The following SLC35F5 variants were observed in gnomAD, a reference collection of about 807,000 sequenced individuals.
The protein encoded by SLC35F5 is solute carrier family 35 member F5.
Under a neutral mutation model 68.6 loss-of-function variants are expected in SLC35F5, and 54 were observed. That is an observed-to-expected ratio of 0.79 (90% CI 0.63 to 0.99). The LOEUF is 0.99. Ranked by LOEUF, SLC35F5 falls within the 50% of genes least tolerant of loss-of-function variation. SLC35F5 has a pLI of 0.00. For synonymous variants in SLC35F5, 211 were observed against 205.2 expected (o/e 1.03, Z -0.24); for missense variants, 567 against 626.9 (o/e 0.90, Z 1.02).
chr2:113,735,816 T>A lies in SLC35F5; in HGVS notation c.793A>T (p.Thr265Ser). 1 of 1,609,102 alleles carries A rather than the reference T, an allele frequency of 6.2e-7. No homozygotes were observed. The highest frequency in any genetic ancestry group is 8.5e-7 in the Non-Finnish European group (1 of 1,178,256). ...NLSYQEALSDTQVAIVNILSS... is the reference protein window; with the variant it reads ...NLSYQEALSDSQVAIVNILSS... ...AAAATATTAACTATAGCAACTTGTG[T>A]GTCTGAAAGTGCTTCTTGATATGAC... The change falls in exon 8 of 16, where the codon ACA (threonine) becomes TCA (serine). Residue 265 changes from threonine (T) to serine (S), a missense_variant. Thr to Ser is a moderately conservative substitution (Grantham distance 58). Transcript: ENST00000245680.
rs1311564689 is a variant in SLC35F5, at chr2:113,718,922, AAAGAAAAAGAAAGG to A, written c.1496+218_1496+231del. On this transcript the variant is annotated intron_variant, in intron 14 of 15. Coordinates refer to ENST00000245680, the MANE Select transcript of SLC35F5 (RefSeq NM_025181.5). ...GAAAGAAAGAAAGAAAGAAAGAAAGAAAGAAAAAGAAAGGAAGAAAGGAAGGAAGGAAGAAAGAA... is the reference window on the plus strand; with the variant it reads ...GAAAGAAAGAAAGAAAGAAAGAAAGAAAGAAAGGAAGGAAGGAAGAAAGAA... Among the ~76,000 whole-genome samples, 318 of 45,934 alleles carry A rather than the reference AAAGAAAAAGAAAGG, an allele frequency of 6.9e-3. 4 individuals are homozygous for A. Among genetic ancestry groups the A allele is most frequent in the Non-Finnish European group, 0.014 (215 of 15,384 alleles). 30.1% of individuals were successfully genotyped at this position (45,934 alleles called of 152,430 possible). A position where few individuals can be genotyped will look rare whatever the true frequency, so the allele number is the denominator to read the frequency against.
At chr2:113,720,765 T>C (rs1376079924) in intron 13 of SLC35F5, among the ~76,000 whole-genome samples, 1 of 152,170 alleles carries the variant, frequency 6.6e-6, no homozygotes, top group Non-Finnish European at 1.5e-5. Context: ...AATTATTTCA[T>C]GAATATTCAA....
At chr2:113,743,944 G>C (rs1391136599) in intron 5 of SLC35F5, 150 bp from the exon 6 acceptor site, 2 of 517,826 alleles carry the variant, frequency 3.9e-6, no homozygotes, top group East Asian at 6.0e-5. Context: ...ACTTAAAAAA[G>C]GAAACTCAAC....
intron 1 of SLC35F5, chr2:113,755,962 A>C: frequency 6.5e-7 from 1 of 1,549,578 alleles, no homozygotes; most frequent in Non-Finnish European, 8.7e-7. Context: ...ATCGGAGAGT[A>C]AGTGATTTGC....
Position 113,707,349 on chromosome 2 carries a change from A to G in SLC35F5, c.*7869T>C, listed in dbSNP as rs1686826845. Among the ~76,000 whole-genome samples the G allele has an allele frequency of 6.6e-6, 1 of 152,226 alleles. No individual in the cohort carries two copies. The highest frequency in any genetic ancestry group is 2.4e-5 in the African/African-American group (1 of 41,462). ...TCAGAATGATGCAATCTTGTCTTAT[A>G]TAAATATACAAATCACAGTATGCTG... On this transcript the variant is annotated 3_prime_UTR_variant, in exon 16 of 16. Transcript: ENST00000245680.
At chr2:113,705,842 A>T (rs1043996552), downstream of SLC35F5, among the ~76,000 whole-genome samples, 1 of 151,890 alleles carries the variant, frequency 6.6e-6, no homozygotes, top group Non-Finnish European at 1.5e-5. Flanking sequence ...AATATTTTTC[A>T]TGTTTTATAT....
In SLC35F5 at chr2:113,708,439, T is replaced by G. The variant is rs1272647039; in HGVS notation, c.*6779A>C. ...ATACTGGATAGCTGGGCGCAGTGGCTCACACCCGTAATCCCAGCACTTTGG... is the reference window on the plus strand; with the variant it reads ...ATACTGGATAGCTGGGCGCAGTGGCGCACACCCGTAATCCCAGCACTTTGG... On this transcript the variant is annotated 3_prime_UTR_variant, in exon 16 of 16. Coordinates refer to ENST00000245680, the MANE Select transcript of SLC35F5 (RefSeq NM_025181.5). Among the ~76,000 whole-genome samples the G allele has an allele frequency of 6.6e-6, 1 of 152,180 alleles. No homozygotes were observed. Among genetic ancestry groups the G allele is most frequent in the Non-Finnish European group, 1.5e-5 (1 of 68,018 alleles).
At chr2:113,744,946 T>C (rs1676428370) in intron 5 of SLC35F5, among the ~76,000 whole-genome samples, 1 of 152,154 alleles carries the variant, frequency 6.6e-6, no homozygotes, top group Non-Finnish European at 1.5e-5. Flanking sequence ...AATCTCCAAC[T>C]AGGCTGATTC....
chr2:113,745,053 G>A (rs980956189), intron 5 of SLC35F5, among the ~76,000 whole-genome samples: 9 of 152,080 alleles, frequency 5.9e-5, no homozygotes, highest in African/African-American at 2.2e-4. Context: ...AGTAAATGAA[G>A]GGACAGTGGG....
At chr2:113,742,534 T>C in intron 7 of SLC35F5, 158 bp downstream of exon 7, 1 of 679,780 alleles carries the variant, frequency 1.5e-6, no homozygotes, top group South Asian at 2.0e-5. Flanking sequence ...TTTATTAATT[T>C]TGATACCCTA....
rs906005829 is a variant in SLC35F5 at position 113,755,986 on chromosome 2, G to A, written c.40+384C>T. On this transcript the variant is annotated intron_variant, in intron 1 of 15. Coordinates refer to ENST00000245680, the MANE Select transcript of SLC35F5 (RefSeq NM_025181.5). ...TAAGTGATTTGCTGTGGGTCTTGAA[G>A]GCACCTTTCCAATCTCTTCAAGTGG... is the stretch of plus-strand genomic sequence containing the variant. The A allele has an allele frequency of 1.6e-5, 25 of 1,542,944 alleles. No individual in the cohort carries two copies. The African/African-American group carries it at 3.2e-4, about 20-fold the overall frequency.
At chr2:113,717,662 C>A in intron 15 of SLC35F5, 91 bp downstream of exon 15, 2 of 851,432 alleles carry the variant, frequency 2.3e-6, no homozygotes, top group Non-Finnish European at 1.8e-6. Context: ...GGCTGTATTG[C>A]CTCTCAAACA....
At chr2:113,755,948 G>A in intron 1 of SLC35F5, 2 of 1,550,134 alleles carry the variant, frequency 1.3e-6, no homozygotes, top group Non-Finnish European at 1.7e-6. Context: ...AGTGGAATTT[G>A]GTTATCGGAG....
At chr2:113,753,162 GTTTTTCTTTTTTT>G (rs1456288077) in intron 3 of SLC35F5, among the ~76,000 whole-genome samples, 4 of 50,550 alleles carry the variant, frequency 7.9e-5, no homozygotes, top group Non-Finnish European at 1.6e-4. Flanking sequence ...TCCAAAGTTT[GTTTTTCTTTTTTT>G]TTTTTTTTTT....
chr2:113,756,032 T>C, intron 1 of SLC35F5: 1 of 1,488,284 alleles, frequency 6.7e-7, no homozygotes, highest in Non-Finnish European at 8.9e-7. Context: ...GGATTCTCCA[T>C]GCTCCTCCAC....
chr2:113,755,579 T>C (rs761515087), intron 1 of SLC35F5, 35 bp from the exon 2 acceptor site: 2 of 1,561,064 alleles, frequency 1.3e-6, no homozygotes, highest in Admixed American at 1.7e-5. Context: ...TATGAAAACG[T>C]GAATAACTCA....
rs1023464273 is a variant in SLC35F5, at chr2:113,756,634, C to G, written c.-225G>C. The G allele has an allele frequency of 2.5e-5, 31 of 1,232,496 alleles. No homozygotes were observed. The highest frequency in any genetic ancestry group is 3.2e-5 in the Non-Finnish European group (30 of 931,824). The allele number at this position is 1,232,496 out of a possible 1,614,324, so 76.3% of individuals were successfully genotyped here. On this transcript the variant is annotated 5_prime_UTR_variant, in exon 1 of 16. Coordinates refer to ENST00000245680, the MANE Select transcript of SLC35F5 (RefSeq NM_025181.5). ...ACAGTCAGCTATGGCCGCGGAGGCC[C>G]GGAGATCTGCTCTGGCCCCGGCCCC...
At chr2:113,736,611 G>A (rs1447288641) in intron 7 of SLC35F5, among the ~76,000 whole-genome samples, 3 of 152,108 alleles carry the variant, frequency 2.0e-5, no homozygotes, top group Non-Finnish European at 4.4e-5. Context: ...GATGGACCTA[G>A]CTAGCTAGCT....
At chr2:113,746,646 T>C (rs1676496300) in intron 4 of SLC35F5, among the ~76,000 whole-genome samples, 1 of 151,900 alleles carries the variant, frequency 6.6e-6, no homozygotes, top group Non-Finnish European at 1.5e-5. Flanking sequence ...TTCAGATAAG[T>C]AGGGAAAAGA....
Sources: allele counts gnomAD v4.1 joint callset (sites outside exome capture counted in the v4.1 genomes callset), GRCh38; gene constraint gnomAD v4.1.1; transcripts MANE v1.5; gene names NCBI Gene and HGNC (gene_info 2026-07-23, HGNC 2026-07-21).